MTUS1: variants seen among roughly 807,000 people sequenced by gnomAD.
MTUS1 encodes microtubule associated scaffold protein 1.
Under a neutral mutation model 120.8 loss-of-function variants are expected in MTUS1, and 109 were observed. That is an observed-to-expected ratio of 0.90 (90% confidence interval 0.77 to 1.06). The LOEUF (loss-of-function observed/expected upper bound fraction) is 1.06. Among genes scored for constraint, MTUS1 ranks in the 50% least tolerant of loss-of-function variants. The probability of loss-of-function intolerance (pLI) is 0.00; values close to 1 mark genes in which losing one functional copy is unlikely to be tolerated. For missense variants in MTUS1, 2,210 were observed against 1,486.3 expected (o/e 1.49, Z -8.01); for synonymous variants, 737 against 550.5 (o/e 1.34, Z -4.74).
At chr8:17,737,404 A>C (rs914152066) in intron 3 of MTUS1, among the ~76,000 whole-genome samples, 2 of 152,266 alleles carry the variant, frequency 1.3e-5, no homozygotes, top group African/African-American at 2.4e-5. Flanking sequence ...TATTTTTATG[A>C]AAAGAGATCC....
At position 17,713,246 on chromosome 8, in the gene MTUS1, G is replaced by T; in HGVS notation, c.2591C>A (p.Ser864Ter). 6.4e-7 allele frequency: 1 copy of T among 1,573,654 alleles called. No homozygotes were observed. The highest frequency in any genetic ancestry group is 1.4e-5 in the African/African-American group (1 of 73,986). The change falls in exon 6 of 15, where the codon TCG becomes TAG. Residue 864 changes from serine (S) to a stop codon, truncating the protein, a stop_gained. Transcript: ENST00000693296. LOFTEE classifies it high-confidence loss of function. ...AAGAGCTGTAAATAAATTTTTTCTC[G>T]AAGGACCTAAGATATAAAAGAAACA... ...HLMKTPPKGP[S>*]RKNLFTALNA...
At chr8:17,646,903 G>A in intron 14 of MTUS1, 79 bp downstream of exon 14, 1 of 959,878 alleles carries the variant, frequency 1.0e-6, no homozygotes, top group East Asian at 2.4e-5. Flanking sequence ...GAGGTGCAGG[G>A]GTAGAGCGTG....
Position 17,654,580 on chromosome 8 carries a change from G to A in MTUS1, c.3195C>T (p.Ala1065=). 1 of 1,612,162 alleles carries A rather than the reference G, an allele frequency of 6.2e-7. No individual in the cohort carries two copies. The highest frequency in any genetic ancestry group is 8.5e-7 in the Non-Finnish European group (1 of 1,178,174). Residue 1065 remains alanine (A), a synonymous_variant, in exon 10 of 15, where the codon GCC becomes GCT. Transcript: ENST00000693296. ...CCTTGCCTGAAAGGGAGGCTTCATA[G>A]GCCTTCTTTAGCAATTCAAGTTTCT... ...HSEKLELLKK[A]YEASLSEIKK...
intron 1 of MTUS1, among the ~76,000 whole-genome samples, chr8:17,773,501 C>T (rs2050168301): frequency 6.6e-6 from 1 of 152,104 alleles, no homozygotes; most frequent in African/African-American, 2.4e-5. Context: ...ACTTATAAGC[C>T]ATCAAAGTTC....
At chr8:17,674,551 G>T (rs576207520) in intron 8 of MTUS1, 3 of 985,922 alleles carry the variant, frequency 3.0e-6, no homozygotes, top group Middle Eastern at 4.9e-4. Context: ...GGAAACTGGA[G>T]GGCTGGGTGG....
chr8:17,731,552 A>C (rs2131177863), intron 3 of MTUS1, among the ~76,000 whole-genome samples: 1 of 152,294 alleles, frequency 6.6e-6, no homozygotes, highest in Admixed American at 6.5e-5. Flanking sequence ...AAATAATTAA[A>C]CATAGGTCAG....
chr8:17,692,898 C>G (rs192817597), intron 6 of MTUS1, among the ~76,000 whole-genome samples: 3 of 152,228 alleles, frequency 2.0e-5, no homozygotes, highest in Admixed American at 2.0e-4. Flanking sequence ...ATATTTTGTT[C>G]TGATACTACC....
intron 12 of MTUS1, among the ~76,000 whole-genome samples, chr8:17,650,662 A>G (rs1356067359): frequency 6.6e-6 from 1 of 152,144 alleles, no homozygotes; most frequent in Non-Finnish European, 1.5e-5. Context: ...TGAACTGTGA[A>G]TGCACCACTG....
At chr8:17,686,313 T>C (rs997676443) in intron 6 of MTUS1, among the ~76,000 whole-genome samples, 4 of 152,208 alleles carry the variant, frequency 2.6e-5, no homozygotes, top group Admixed American at 6.5e-5. Flanking sequence ...TACATAAAAA[T>C]AAATATTTAT....
chr8:17,706,464 T>C (rs985696684), intron 6 of MTUS1, among the ~76,000 whole-genome samples: 1 of 152,156 alleles, frequency 6.6e-6, no homozygotes, highest in African/African-American at 2.4e-5. Flanking sequence ...CTTTAATTGA[T>C]AAAGGTCAAG....
In MTUS1 at chr8:17,755,923, A is replaced by C. The variant is rs2048575254; in HGVS notation, c.-116T>G. The C allele has an allele frequency of 2.7e-6, 4 of 1,459,488 alleles. No individual in the cohort carries two copies. The Admixed American group carries it at 8.2e-5, about 30-fold the overall frequency. The allele number at this position is 1,459,488 out of a possible 1,614,324, so 90.4% of individuals were successfully genotyped here. On this transcript the variant is annotated 5_prime_UTR_variant, in exon 2 of 15. Transcript: ENST00000693296. Reference sequence around the variant, plus strand: ...TTTTCAGCACAGTTGAAAGGTTTTCAGTCTAAGATGCTCTGAAGATTAAAT... The same window carrying C: ...TTTTCAGCACAGTTGAAAGGTTTTCCGTCTAAGATGCTCTGAAGATTAAAT...
At chr8:17,704,966 C>T (rs1016078135) in intron 6 of MTUS1, among the ~76,000 whole-genome samples, 1 of 151,988 alleles carries the variant, frequency 6.6e-6, no homozygotes. Flanking sequence ...CTTATAAATA[C>T]TGTTTCTAAT....
intron 4 of MTUS1, among the ~76,000 whole-genome samples, chr8:17,721,031 A>G (rs2045798543): frequency 6.6e-6 from 1 of 152,218 alleles, no homozygotes; most frequent in Admixed American, 6.5e-5. Flanking sequence ...AAGTTCCGAG[A>G]ACCCAGTGCT....
intron 8 of MTUS1, among the ~76,000 whole-genome samples, chr8:17,657,264 A>C (rs1808517177): frequency 1.3e-5 from 2 of 151,876 alleles, no homozygotes; most frequent in South Asian, 4.2e-4. Flanking sequence ...TTGTGCTATA[A>C]TTCAAGTATT....
intron 1 of MTUS1, among the ~76,000 whole-genome samples, chr8:17,799,938 T>TG (rs992543600): frequency 6.7e-6 from 1 of 149,514 alleles, no homozygotes; most frequent in African/African-American, 2.5e-5. Context: ...ATATTGCCTA[T>TG]GAAAAAAAAA....
At chr8:17,738,096 T>C in intron 3 of MTUS1, among the ~76,000 whole-genome samples, 1 of 152,206 alleles carries the variant, frequency 6.6e-6, no homozygotes, top group East Asian at 1.9e-4. Context: ...AGGAATTTAC[T>C]TTATTAACCC....
Position 17,709,734 on chromosome 8 carries a change from C to T in MTUS1, c.2623+3480G>A, listed in dbSNP as rs550103588. Among the ~76,000 whole-genome samples, 11 of 152,086 alleles carry T rather than the reference C, an allele frequency of 7.2e-5. No individual in the cohort carries two copies. The South Asian group carries it at 8.3e-4, about 11-fold the overall frequency. On this transcript the variant is annotated intron_variant, in intron 6 of 14. Transcript: ENST00000693296. Reference sequence around the variant, plus strand: ...AAAATATATACCTTAATTTGCCAGGCGTGGTGGCTCACACCTGTAATCCCA... The same window carrying T: ...AAAATATATACCTTAATTTGCCAGGTGTGGTGGCTCACACCTGTAATCCCA...
At chr8:17,659,284 G>A (rs1809156913) in intron 8 of MTUS1, among the ~76,000 whole-genome samples, 1 of 152,174 alleles carries the variant, frequency 6.6e-6, no homozygotes, top group Admixed American at 6.5e-5. Context: ...GAGGAGAAGT[G>A]GCAGGACCAG....
intron 3 of MTUS1, among the ~76,000 whole-genome samples, chr8:17,737,034 C>G (rs549916934): frequency 6.6e-6 from 1 of 152,206 alleles, no homozygotes; most frequent in Non-Finnish European, 1.5e-5. Context: ...TTAGCACAAA[C>G]CAGCCTTCCC....
Sources: gnomAD v4.1 joint callset for allele counts (sites outside exome capture counted in the v4.1 genomes callset) on GRCh38, gnomAD v4.1.1 for gene constraint, MANE v1.5 for transcripts, NCBI Gene and HGNC (gene_info 2026-07-23, HGNC 2026-07-21) for gene names.